Variants in PBX3 observed in about 807,000 individuals in gnomAD.
The protein encoded by PBX3 is PBX homeobox 3.
Under a neutral mutation model 48.5 loss-of-function variants are expected in PBX3, and 14 were observed. The observed-to-expected ratio is 0.29, with a 90% CI of 0.19 to 0.45. PBX3 has a LOEUF of 0.45. Ranked by LOEUF, PBX3 falls within the 20% of genes least tolerant of loss-of-function variation. PBX3 has a pLI of 1.00. For synonymous variants in PBX3, 210 were observed against 200.3 expected (o/e 1.05, Z -0.41); for missense variants, 386 against 546.7 (o/e 0.71, Z 2.93).
intron 3 of PBX3, among the ~76,000 whole-genome samples, chr9:125,925,156 A>G (rs1841545258): frequency 6.6e-6 from 1 of 152,220 alleles, no homozygotes; most frequent in African/African-American, 2.4e-5. Context: ...TCCTAAGTCA[A>G]ATGGGCTTTT....
chr9:125,858,621 C>CT (rs1404234354), intron 2 of PBX3, among the ~76,000 whole-genome samples: 4 of 78,874 alleles, frequency 5.1e-5, no homozygotes, highest in East Asian at 4.0e-4. Context: ...GACTTTGGTC[C>CT]ATTTTTTTTT....
rs976082422 is a variant in PBX3, at chr9:125,907,693, T to G, written c.275-7993T>G. Among the ~76,000 whole-genome samples the G allele has an allele frequency of 3.9e-5, 6 of 152,212 alleles. No homozygotes were observed. The South Asian group carries it at 1.0e-3, about 26-fold the overall frequency. Reference sequence around the variant, plus strand: ...GGCTACTCTGACTCCAAAGCCATGTTCTCCAGTATTGTAATTTATTTGTGT... The same window carrying G: ...GGCTACTCTGACTCCAAAGCCATGTGCTCCAGTATTGTAATTTATTTGTGT... On this transcript the variant is annotated intron_variant, in intron 2 of 8. Coordinates refer to ENST00000373489, the MANE Select transcript of PBX3 (RefSeq NM_006195.6).
At chr9:125,854,007 T>C (rs939520948) in intron 2 of PBX3, among the ~76,000 whole-genome samples, 1 of 151,348 alleles carries the variant, frequency 6.6e-6, no homozygotes, top group Non-Finnish European at 1.5e-5. Context: ...CACACATACA[T>C]ATATACAAAC....
At chr9:125,767,468 C>A (rs956693809) in intron 2 of PBX3, among the ~76,000 whole-genome samples, 1 of 152,186 alleles carries the variant, frequency 6.6e-6, no homozygotes, top group Non-Finnish European at 1.5e-5. Flanking sequence ...TCTGTTCATA[C>A]CACCATTCAC....
chr9:125,882,720 T>C (rs373943757), intron 2 of PBX3, among the ~76,000 whole-genome samples: 68 of 152,372 alleles, frequency 4.5e-4, no homozygotes, highest in African/African-American at 1.6e-3. Context: ...AGTTTCTTCA[T>C]TTTGGATAGC....
chr9:125,771,840 T>C (rs1424107288), intron 2 of PBX3, among the ~76,000 whole-genome samples: 1 of 152,204 alleles, frequency 6.6e-6, no homozygotes, highest in African/African-American at 2.4e-5. Flanking sequence ...AATTTGAATT[T>C]TTAATCCTGT....
intron 2 of PBX3, among the ~76,000 whole-genome samples, chr9:125,778,504 A>G (rs1837139779): frequency 6.7e-6 from 1 of 148,152 alleles, no homozygotes; most frequent in East Asian, 2.0e-4. Context: ...TGATCCACCC[A>G]CCTCAGCCTC....
In PBX3 at chr9:125,777,928, C is replaced by T. The variant is rs566683913; in HGVS notation, c.274+29305C>T. Among the ~76,000 whole-genome samples, 4 of 151,032 alleles carry T rather than the reference C, an allele frequency of 2.6e-5. No homozygotes were observed. The East Asian group carries it at 7.8e-4, about 29-fold the overall frequency. ...TCTGTAAGGTTGGTGGGAACGTCTC[C>T]ACTTTCATTTCTGATTTTTGTTTTC... On this transcript the variant is annotated intron_variant, in intron 2 of 8. Transcript: ENST00000373489.
chr9:125,831,623 G>T (rs1437224957), intron 2 of PBX3, among the ~76,000 whole-genome samples: 1 of 152,124 alleles, frequency 6.6e-6, no homozygotes, highest in South Asian at 2.1e-4. Context: ...GAGTAATGAG[G>T]TAGTGCCTTA....
intron 2 of PBX3, among the ~76,000 whole-genome samples, chr9:125,896,130 T>C (rs1461440505): frequency 6.6e-6 from 1 of 152,058 alleles, no homozygotes; most frequent in African/African-American, 2.4e-5. Context: ...TATTTCCTTC[T>C]CCACTGGCTG....
At chr9:125,965,136 A>C (rs1271964253) in intron 8 of PBX3, among the ~76,000 whole-genome samples, 1 of 152,208 alleles carries the variant, frequency 6.6e-6, no homozygotes, top group Non-Finnish European at 1.5e-5. Flanking sequence ...AGCAATTGCC[A>C]CTATAGGCCA....
At chr9:125,880,589 C>T (rs1840359530) in intron 2 of PBX3, among the ~76,000 whole-genome samples, 1 of 152,126 alleles carries the variant, frequency 6.6e-6, no homozygotes, top group Admixed American at 6.5e-5. Flanking sequence ...CTGATTACTA[C>T]AGAAATCATG....
intron 2 of PBX3, among the ~76,000 whole-genome samples, chr9:125,763,976 TTTC>T (rs1278711171): frequency 2.4e-4 from 37 of 152,332 alleles, no homozygotes; most frequent in South Asian, 1.7e-3. Flanking sequence ...CACACATTCT[TTTC>T]TTCACTTGTT....
chr9:125,804,839 C>T (rs1031080496), intron 2 of PBX3, among the ~76,000 whole-genome samples: 2 of 141,334 alleles, frequency 1.4e-5, no homozygotes, highest in South Asian at 2.4e-4. Flanking sequence ...CCCAGCTACT[C>T]GGGCGGCTGA....
At position 125,915,760 on chromosome 9, in the gene PBX3, G is replaced by T; in HGVS notation, c.349G>T (p.Ala117Ser). The change falls in exon 3 of 9, where the codon GCA becomes TCA. Residue 117 changes from alanine to serine, a missense_variant. By Grantham distance (99) the Ala-to-Ser change is moderately conservative. Around this residue, in one of 4 missense-constraint regions of PBX3, gnomAD observed 69 missense variants for 99.1 expected, o/e 0.70. Coordinates refer to ENST00000373489, the MANE Select transcript of PBX3 (RefSeq NM_006195.6). ...AATGAGACTGGACAATATGCTTTTG[G>T]CAGAAGGGGTTTCAGGTCCTGAGAA... ...QLMRLDNMLL[A>S]EGVSGPEKGG... 1 of 1,614,070 alleles carries T rather than the reference G, an allele frequency of 6.2e-7. No individual in the cohort carries two copies. The highest frequency in any genetic ancestry group is 8.5e-7 in the Non-Finnish European group (1 of 1,180,004).
intron 2 of PBX3, among the ~76,000 whole-genome samples, chr9:125,814,373 A>G (rs1838396181): frequency 6.6e-6 from 1 of 152,012 alleles, no homozygotes; most frequent in South Asian, 2.1e-4. Context: ...AATGCCAGTA[A>G]AACTGTAGAA....
chr9:125,814,511 G>C (rs995700181), intron 2 of PBX3, among the ~76,000 whole-genome samples: 1 of 152,120 alleles, frequency 6.6e-6, no homozygotes, highest in Admixed American at 6.5e-5. Flanking sequence ...CATTCTAGAG[G>C]ATGTGAATAG....
intron 3 of PBX3, among the ~76,000 whole-genome samples, chr9:125,927,885 A>G (rs1309111355): frequency 6.6e-6 from 1 of 152,052 alleles, no homozygotes. Context: ...AAAAAGATTT[A>G]AAAATTAGCT....
chr9:125,825,497 T>C (rs1838782913), intron 2 of PBX3, among the ~76,000 whole-genome samples: 1 of 152,138 alleles, frequency 6.6e-6, no homozygotes. Context: ...TTTTTTTTTT[T>C]TTAACAAATT....
Sources: gnomAD v4.1 joint callset for allele counts (sites outside exome capture counted in the v4.1 genomes callset) on GRCh38, gnomAD v4.1.1 for gene constraint, gnomAD v4.1.1 regional missense constraint, MANE v1.5 for transcripts, NCBI Gene and HGNC (gene_info 2026-07-23, HGNC 2026-07-21) for gene names.